SYNDIG1: variants seen among roughly 807,000 people sequenced by gnomAD.
SYNDIG1 encodes the protein synapse differentiation-inducing gene protein 1.
SYNDIG1 carries 9 observed loss-of-function variants against 19.4 expected under a neutral mutation model. The ratio of observed to expected loss-of-function variants is 0.46; its 90% CI spans 0.28 to 0.81. SYNDIG1 has a LOEUF of 0.81. Among genes scored for constraint, SYNDIG1 ranks in the 30% least tolerant of loss-of-function variants. The pLI is 0.12. For synonymous variants in SYNDIG1, 141 were observed against 145.9 expected, an observed-to-expected ratio of 0.97 and a Z score of 0.24; for missense variants, 311 against 343.3, an observed-to-expected ratio of 0.91 and a Z score of 0.74.
chr20:24,606,302 C>G (rs911571194), intron 3 of SYNDIG1, among the ~76,000 whole-genome samples: 13 of 152,224 alleles, frequency 8.5e-5, no homozygotes, highest in African/African-American at 2.9e-4. Context: ...GTGGGATGTC[C>G]CTGCCTCCTG....
intron 2 of SYNDIG1, among the ~76,000 whole-genome samples, chr20:24,551,986 G>T: frequency 1.3e-5 from 2 of 152,308 alleles, no homozygotes; most frequent in South Asian, 4.1e-4. Flanking sequence ...TCGCAAGGTC[G>T]TGTGAGTTAA....
chr20:24,505,572 C>T (rs552654585), intron 1 of SYNDIG1, among the ~76,000 whole-genome samples: 1 of 152,320 alleles, frequency 6.6e-6, no homozygotes, highest in African/African-American at 2.4e-5. Flanking sequence ...ATTTAAATTG[C>T]AGAGCAGACT....
At chr20:24,561,280 G>A (rs2057940648) in intron 2 of SYNDIG1, among the ~76,000 whole-genome samples, 1 of 152,172 alleles carries the variant, frequency 6.6e-6, no homozygotes, top group Non-Finnish European at 1.5e-5. Context: ...CTCAGGATGT[G>A]AGGAGAGCTT....
chr20:24,489,747 G>A (rs1353556874), intron 1 of SYNDIG1, among the ~76,000 whole-genome samples: 1 of 152,256 alleles, frequency 6.6e-6, no homozygotes, highest in African/African-American at 2.4e-5. Flanking sequence ...GCGGCATGGA[G>A]GGAGGAGGGA....
rs1346655719 is a variant in SYNDIG1 at position 24,597,961 on chromosome 20, A to G, written c.618+12968A>G. Among the ~76,000 whole-genome samples the G allele has an allele frequency of 3.3e-5, 5 of 152,196 alleles. No individual in the cohort carries two copies. The East Asian group carries it at 9.6e-4, about 29-fold the overall frequency. ...CCATACCACCTCACATCAAATGACA[A>G]TTTGGGTTATATAATAAGCTGACAT... is the stretch of plus-strand genomic sequence containing the variant. On this transcript the variant is annotated intron_variant, in intron 3 of 3. Coordinates refer to ENST00000376862, the MANE Select transcript of SYNDIG1 (RefSeq NM_024893.3).
chr20:24,539,970 G>C (rs1166377703), intron 1 of SYNDIG1, among the ~76,000 whole-genome samples: 1 of 151,960 alleles, frequency 6.6e-6, no homozygotes, highest in Non-Finnish European at 1.5e-5. Flanking sequence ...GTAGAAATAG[G>C]GTTTCACCAT....
intron 3 of SYNDIG1, among the ~76,000 whole-genome samples, chr20:24,600,213 G>A (rs1397562623): frequency 3.3e-5 from 5 of 152,170 alleles, no homozygotes; most frequent in South Asian, 2.1e-4. Flanking sequence ...AGAAAATCAC[G>A]CCATCTGTAG....
chr20:24,635,970 T>C (rs951603777), intron 3 of SYNDIG1, among the ~76,000 whole-genome samples: 1 of 152,198 alleles, frequency 6.6e-6, no homozygotes, highest in Non-Finnish European at 1.5e-5. Flanking sequence ...ATTCTGGAAA[T>C]TTTGTAGTTA....
At chr20:24,511,999 T>C (rs1320975122) in intron 1 of SYNDIG1, among the ~76,000 whole-genome samples, 1 of 151,282 alleles carries the variant, frequency 6.6e-6, no homozygotes, top group East Asian at 1.9e-4. Context: ...TTTTACCCTT[T>C]TCCACAAAAT....
chr20:24,598,580 G>A (rs2058631441), intron 3 of SYNDIG1, among the ~76,000 whole-genome samples: 1 of 152,266 alleles, frequency 6.6e-6, no homozygotes, highest in African/African-American at 2.4e-5. Flanking sequence ...GGGGCCCACA[G>A]TGGGTGAAAC....
At chr20:24,618,304 G>A (rs2147217717) in intron 3 of SYNDIG1, among the ~76,000 whole-genome samples, 1 of 148,998 alleles carries the variant, frequency 6.7e-6, no homozygotes, top group South Asian at 2.2e-4. Flanking sequence ...CCAGGGAAGG[G>A]GGAGAGCCCA....
chr20:24,570,371 A>G (rs1442580353), intron 2 of SYNDIG1, among the ~76,000 whole-genome samples: 1 of 152,280 alleles, frequency 6.6e-6, no homozygotes, highest in South Asian at 2.1e-4. Context: ...GACAAGCTAC[A>G]CAATGGGAGA....
intron 1 of SYNDIG1, among the ~76,000 whole-genome samples, chr20:24,517,197 T>C (rs2056887312): frequency 6.6e-6 from 1 of 151,924 alleles, no homozygotes; most frequent in African/African-American, 2.4e-5. Flanking sequence ...ATACACCTAA[T>C]GTAAATGACG....
At chr20:24,576,425 T>C (rs1473003257) in intron 2 of SYNDIG1, among the ~76,000 whole-genome samples, 1 of 152,204 alleles carries the variant, frequency 6.6e-6, no homozygotes, top group Non-Finnish European at 1.5e-5. Flanking sequence ...GGCTGATGAT[T>C]GTTGAGCGTT....
chr20:24,527,117 G>T (rs1309107512), intron 1 of SYNDIG1, among the ~76,000 whole-genome samples: 1 of 152,160 alleles, frequency 6.6e-6, no homozygotes, highest in Non-Finnish European at 1.5e-5. Flanking sequence ...CCATTTCTGA[G>T]ACTCCCATTA....
intron 3 of SYNDIG1, among the ~76,000 whole-genome samples, chr20:24,599,687 G>A (rs982385162): frequency 6.6e-5 from 10 of 152,282 alleles, no homozygotes; most frequent in South Asian, 2.1e-4. Flanking sequence ...TTTCAGCATC[G>A]TGGATGGAAC....
At chr20:24,503,705 C>T (rs2056513586) in intron 1 of SYNDIG1, among the ~76,000 whole-genome samples, 1 of 152,020 alleles carries the variant, frequency 6.6e-6, no homozygotes, top group African/African-American at 2.4e-5. Context: ...ACTCCAATCC[C>T]CCTGACCCTG....
At chr20:24,503,603 C>G (rs944894970) in intron 1 of SYNDIG1, among the ~76,000 whole-genome samples, 2 of 151,922 alleles carry the variant, frequency 1.3e-5, no homozygotes, top group African/African-American at 2.4e-5. Context: ...CCCCAGCCCC[C>G]CAGCGCTCCA....
intron 3 of SYNDIG1, among the ~76,000 whole-genome samples, chr20:24,604,799 T>C (rs2058729933): frequency 6.6e-6 from 1 of 152,184 alleles, no homozygotes; most frequent in South Asian, 2.1e-4. Flanking sequence ...CTCAAATTCT[T>C]TCTGGCATGA....
Sources: allele counts gnomAD v4.1 joint callset (sites outside exome capture counted in the v4.1 genomes callset), GRCh38; gene constraint gnomAD v4.1.1; transcripts MANE v1.5; gene names NCBI Gene and HGNC (gene_info 2026-07-23, HGNC 2026-07-21).